VIPR1: variants seen among roughly 807,000 people sequenced by gnomAD.
VIPR1 encodes vasoactive intestinal polypeptide receptor 1.
Under a neutral mutation model 58.8 loss-of-function variants are expected in VIPR1, and 59 were observed. That is an observed-to-expected ratio of 1.00 (90% CI 0.81 to 1.25). The LOEUF (loss-of-function observed/expected upper bound fraction) is 1.25. Among genes scored for constraint, VIPR1 ranks in the 50% most tolerant of loss-of-function variants. VIPR1 has a pLI of 0.00. For synonymous variants in VIPR1, 251 were observed against 242.1 expected, an observed-to-expected ratio of 1.04 and a Z score of -0.34; for missense variants, 626 against 602.7, an observed-to-expected ratio of 1.04 and a Z score of -0.40.
At chr3:42,504,771 C>T (rs1483789143) in intron 1 of VIPR1, among the ~76,000 whole-genome samples, 5 of 23,600 alleles carry the variant, frequency 2.1e-4, no homozygotes, top group Admixed American at 1.0e-3. Flanking sequence ...GGTGGGGGGG[C>T]GGGGTGACAG....
intron 6 of VIPR1, 35 bp downstream of exon 6, chr3:42,528,158 C>A: frequency 6.2e-7 from 1 of 1,606,804 alleles, no homozygotes; most frequent in South Asian, 1.1e-5. Flanking sequence ...CTCCCTCAGT[C>A]TCGCCGTTAT....
chr3:42,514,078 G>A (rs1700500046), intron 2 of VIPR1, among the ~76,000 whole-genome samples: 1 of 152,126 alleles, frequency 6.6e-6, no homozygotes, highest in East Asian at 1.9e-4. Context: ...ACTAAATTGG[G>A]GTTCTGAAAA....
At chr3:42,514,458 T>C (rs1700523271) in intron 2 of VIPR1, among the ~76,000 whole-genome samples, 1 of 151,596 alleles carries the variant, frequency 6.6e-6, no homozygotes, top group East Asian at 2.0e-4. Flanking sequence ...CCACAGCCAA[T>C]ATTCAGCCTG....
intron 1 of VIPR1, chr3:42,506,804 C>T (rs1301989110): frequency 2.0e-5 from 3 of 152,162 alleles, no homozygotes; most frequent in African/African-American, 7.2e-5. Flanking sequence ...CTTGGAATTA[C>T]AAGCATGAGT....
At chr3:42,526,966 T>C (rs1701266230) in intron 4 of VIPR1, among the ~76,000 whole-genome samples, 1 of 151,874 alleles carries the variant, frequency 6.6e-6, no homozygotes, top group Non-Finnish European at 1.5e-5. Context: ...CGCATACCTC[T>C]CCTCCCTATA....
intron 1 of VIPR1, among the ~76,000 whole-genome samples, chr3:42,497,584 AC>A: frequency 6.6e-6 from 1 of 152,228 alleles, no homozygotes; most frequent in South Asian, 2.1e-4. Context: ...GACCCCTGAT[AC>A]GGTTTGGCTG....
At chr3:42,515,365 G>C (rs1384939388) in intron 2 of VIPR1, among the ~76,000 whole-genome samples, 1 of 152,170 alleles carries the variant, frequency 6.6e-6, no homozygotes, top group Non-Finnish European at 1.5e-5. Flanking sequence ...TGGGTCACGG[G>C]GTGGCTGGGC....
chr3:42,527,736 G>C (rs1348636659), intron 5 of VIPR1: 1 of 638,104 alleles, frequency 1.6e-6, no homozygotes, highest in Non-Finnish European at 2.7e-6. Context: ...GCACCAGAGA[G>C]TGGGGCCTGC....
intron 2 of VIPR1, among the ~76,000 whole-genome samples, chr3:42,518,795 T>C (rs1700761369): frequency 6.6e-6 from 1 of 152,184 alleles, no homozygotes; most frequent in South Asian, 2.1e-4. Context: ...TAGGCTCTGG[T>C]CATTATGAAA....
rs1299957260 is a variant in VIPR1, at chr3:42,537,100, T to G, written c.*819T>G. On this transcript the variant is annotated 3_prime_UTR_variant, in exon 13 of 13. Coordinates refer to ENST00000325123, the MANE Select transcript of VIPR1 (RefSeq NM_004624.4). ...CACACCAGCCATACTTATCTCTCTGTGCTGTGGAAGCAACAGGAATCAAGA... is the reference window on the plus strand; with the variant it reads ...CACACCAGCCATACTTATCTCTCTGGGCTGTGGAAGCAACAGGAATCAAGA... The G allele has an allele frequency of 2.0e-5, 3 of 152,204 alleles. No individual in the cohort carries two copies. Among genetic ancestry groups the G allele is most frequent in the African/African-American group, 7.3e-5 (3 of 41,374 alleles). 9.4% of individuals were successfully genotyped at this position (152,204 alleles called of 1,614,324 possible).
At chr3:42,535,215 G>A in intron 11 of VIPR1, 111 bp downstream of exon 11, 3 of 1,599,330 alleles carry the variant, frequency 1.9e-6, no homozygotes, top group Non-Finnish European at 2.6e-6. Context: ...ATAAGTATTA[G>A]ATAAGCACCT....
At chr3:42,523,093 C>CCCG (rs1553638542) in intron 3 of VIPR1, among the ~76,000 whole-genome samples, 5 of 150,096 alleles carry the variant, frequency 3.3e-5, no homozygotes, top group Non-Finnish European at 5.9e-5. Context: ...GACCCCGCCC[C>CCCG]CAGTGGAGTG....
intron 12 of VIPR1, 96 bp from the exon 13 acceptor site, chr3:42,535,994 A>G: frequency 7.3e-7 from 1 of 1,376,914 alleles, no homozygotes; most frequent in Non-Finnish European, 9.7e-7. Flanking sequence ...TAAAGAGAAT[A>G]AGACTGGCTA....
chr3:42,498,847 A>T (rs1699815631), upstream of VIPR1, among the ~76,000 whole-genome samples: 1 of 152,154 alleles, frequency 6.6e-6, no homozygotes, highest in Non-Finnish European at 1.5e-5. Flanking sequence ...AATGATATTC[A>T]CTGCATGCTG....
At chr3:42,515,693 C>A (rs1184081183) in intron 2 of VIPR1, among the ~76,000 whole-genome samples, 3 of 152,242 alleles carry the variant, frequency 2.0e-5, no homozygotes, top group Non-Finnish European at 4.4e-5. Context: ...CGTGTTCATG[C>A]ACATCTAGGT....
chr3:42,519,489 A>G, intron 3 of VIPR1, 159 bp downstream of exon 3: 1 of 520,278 alleles, frequency 1.9e-6, no homozygotes, highest in Non-Finnish European at 3.3e-6. Context: ...TCTTTAAAGA[A>G]CTCACAGGAT....
At chr3:42,513,671 G>A (rs749181078) in intron 1 of VIPR1, 78 bp from the exon 2 acceptor site, 222 of 1,434,614 alleles carry the variant, frequency 1.5e-4, no homozygotes, top group Middle Eastern at 2.3e-4. Flanking sequence ...GGAGAGGGCA[G>A]GTGCAGTCCA....
chr3:42,515,661 T>C (rs977864277), intron 2 of VIPR1, among the ~76,000 whole-genome samples: 1 of 152,250 alleles, frequency 6.6e-6, no homozygotes, highest in African/African-American at 2.4e-5. Flanking sequence ...GGTCTGCCCG[T>C]GACCTTCTGT....
Position 42,527,378 on chromosome 3 carries a change from C to T in VIPR1, c.400-15C>T, listed in dbSNP as rs773805354. ...CACCCCACCACCCAAGAGCCTCTCC[C>T]TGTCCCTCCAACAGCAGCAGACCAT... On this transcript the variant is annotated splice_polypyrimidine_tract_variant and intron_variant, in intron 4 of 12. Coordinates refer to ENST00000325123, the MANE Select transcript of VIPR1 (RefSeq NM_004624.4). 11 of 1,612,422 alleles carry T rather than the reference C, an allele frequency of 6.8e-6. No homozygotes were observed. The highest frequency in any genetic ancestry group is 8.5e-6 in the Non-Finnish European group (10 of 1,178,864).
Sources: allele counts gnomAD v4.1 joint callset (sites outside exome capture counted in the v4.1 genomes callset), GRCh38; gene constraint gnomAD v4.1.1; transcripts MANE v1.5; gene names NCBI Gene and HGNC (gene_info 2026-07-23, HGNC 2026-07-21).